Variants in DOCK11 observed in about 807,000 individuals in gnomAD.
DOCK11 encodes the protein dedicator of cytokinesis protein 11.
A neutral mutation model predicts 169.1 loss-of-function variants in DOCK11; 70 were observed. The observed-to-expected ratio is 0.41, with a 90% CI of 0.34 to 0.51. The LOEUF is 0.51. Among genes scored for constraint, DOCK11 ranks in the 20% least tolerant of loss-of-function variants. DOCK11 has a pLI of 0.10. For synonymous variants in DOCK11, 529 were observed against 541.3 expected, an observed-to-expected ratio of 0.98 and a Z score of 0.32; for missense variants, 1,166 against 1,538.8, an observed-to-expected ratio of 0.76 and a Z score of 4.05.
intron 12 of DOCK11, 28 bp downstream of exon 12, chrX:118,574,046 C>T: frequency 1.7e-6 from 2 of 1,152,515 alleles, no homozygotes; most frequent in African/African-American, 1.8e-5. Context: ...GTCTTAGCAG[C>T]GTATTCAGAA....
Position 118,584,707 on chromosome X carries a change from T to TAAAA in DOCK11, c.1596-24_1596-21dup, listed in dbSNP as rs35145775. On this transcript the variant is annotated intron_variant, in intron 14 of 52. Transcript: ENST00000276202. Reference sequence around the variant, plus strand: ...TTTATCAACATGGAATTTTTTTTTTTAAAAAAATGCTTCTGTTGCTGTTTT... The same window carrying TAAAA: ...TTTATCAACATGGAATTTTTTTTTTTAAAAAAAAAAATGCTTCTGTTGCTGTTTT... 1.6e-3 allele frequency: 1,749 copies of TAAAA among 1,087,314 alleles called. 6 individuals carry two copies. In the East Asian group the frequency reaches 0.027, roughly 17 times the overall value. 89.6% of individuals were successfully genotyped at this position (1,087,314 alleles called of 1,213,427 possible).
At chrX:118,648,423 A>G (rs2015850566) in intron 40 of DOCK11, among the ~76,000 whole-genome samples, 1 of 96,336 alleles carries the variant, frequency 1.0e-5, no homozygotes, top group Non-Finnish European at 2.0e-5. Flanking sequence ...TTTGCTTTAT[A>G]TTTCAACAGT....
intron 32 of DOCK11, among the ~76,000 whole-genome samples, chrX:118,624,943 A>G (rs1317914918): frequency 9.4e-6 from 1 of 106,783 alleles, no homozygotes; most frequent in Non-Finnish European, 1.9e-5. Context: ...CATTTTTAGC[A>G]GAGACAGGGT....
intron 7 of DOCK11, among the ~76,000 whole-genome samples, chrX:118,565,637 C>A (rs5910380): frequency 0.34 from 37,540 of 110,523 alleles, 4,764 homozygotes; most frequent in East Asian, 0.54. Context: ...CTTAAATATT[C>A]AAGGAAAAGT....
Position 118,608,289 on chromosome X carries a change from T to C in DOCK11, c.2810T>C (p.Leu937Pro), listed in dbSNP as rs1241927778. Residue 937 changes from leucine (L) to proline (P), a missense_variant, in exon 26 of 53, where the codon CTG becomes CCG. Physicochemically the swap from Leu to Pro is moderately conservative, Grantham distance 98 (BLOSUM62 -3). Coordinates refer to ENST00000276202, the MANE Select transcript of DOCK11 (RefSeq NM_144658.4). Reference protein sequence around the residue: ...APQAQLIHETLATTMIAILKQ... With the variant: ...APQAQLIHETPATTMIAILKQ... ...CAGGCCCAGCTGATACATGAAACCC[T>C]GGCTACTACGATGATAGCAATATTG... 1 of 1,211,557 alleles carries C rather than the reference T, an allele frequency of 8.3e-7. No individual in the cohort carries two copies. Among genetic ancestry groups the C allele is most frequent in the South Asian group, 1.8e-5 (1 of 56,969 alleles).
At chrX:118,670,876 TC>T (rs2147578968) in intron 45 of DOCK11, 146 bp from the exon 46 acceptor site, 1 of 379,978 alleles carries the variant, frequency 2.6e-6, no homozygotes, top group East Asian at 4.6e-5. Flanking sequence ...TTAGAAAATA[TC>T]GTCACACAAG....
chrX:118,546,058 T>C lies in DOCK11; in HGVS notation c.500T>C (p.Ile167Thr). 3 of 1,208,628 alleles carry C rather than the reference T, an allele frequency of 2.5e-6. No homozygotes were observed. Among genetic ancestry groups the C allele is most frequent in the Non-Finnish European group, 3.4e-6 (3 of 893,635 alleles). ...SSLCSQKGGVIKQGWLHKANV... is the reference protein window; with the variant it reads ...SSLCSQKGGVTKQGWLHKANV... ...TTATGTTCTCAGAAGGGTGGTGTGATAAAACAAGGCTGGTTGCATAAAGCA... is the reference window on the plus strand; with the variant it reads ...TTATGTTCTCAGAAGGGTGGTGTGACAAAACAAGGCTGGTTGCATAAAGCA... Residue 167 changes from isoleucine to threonine, a missense_variant, in exon 6 of 53, where the codon ATA (isoleucine) becomes ACA (threonine). By Grantham distance (89) the Ile-to-Thr change is moderately conservative (BLOSUM62 -1). Coordinates refer to ENST00000276202, the MANE Select transcript of DOCK11 (RefSeq NM_144658.4).
In DOCK11 at chrX:118,614,719, T is replaced by C; in HGVS notation, c.3124T>C (p.Phe1042Leu). The C allele has an allele frequency of 8.4e-7, 1 of 1,196,486 alleles. No individual in the cohort carries two copies. The highest frequency in any genetic ancestry group is 1.1e-6 in the Non-Finnish European group (1 of 883,760). The change falls in exon 29 of 53, where the codon TTT becomes CTT. Residue 1042 changes from phenylalanine to leucine, a missense_variant. Phe to Leu is a conservative substitution (Grantham distance 22, BLOSUM62 0). Transcript: ENST00000276202. Reference sequence around the variant, plus strand: ...CTGTTTGACACTAATGGATAGAGGATTTATTTTCAATTTAATAAATGACTA... The same window carrying C: ...CTGTTTGACACTAATGGATAGAGGACTTATTTTCAATTTAATAAATGACTA... ...KRCLTLMDRG[F>L]IFNLINDYIS...
chrX:118,683,062 T>G lies in DOCK11; in HGVS notation c.5964-17T>G, dbSNP rs1460810830. On this transcript the variant is annotated splice_polypyrimidine_tract_variant and intron_variant, in intron 51 of 52. Coordinates refer to ENST00000276202, the MANE Select transcript of DOCK11 (RefSeq NM_144658.4). ...AGAATAAATAACAAGACCTTTATCT[T>G]TGATATTCATCCACAGGAAATTTAT... 8.4e-7 allele frequency: 1 copy of G among 1,193,460 alleles called. No homozygotes were observed. The highest frequency in any genetic ancestry group is 3.0e-5 in the East Asian group (1 of 33,370).
At chrX:118,525,527 G>A (rs374853395) in intron 1 of DOCK11, among the ~76,000 whole-genome samples, 11 of 111,343 alleles carry the variant, frequency 9.9e-5, no homozygotes, top group Admixed American at 9.6e-4. Flanking sequence ...GGGCGGGGGC[G>A]GTGTGGAGGA....
In DOCK11 at chrX:118,572,402, A is replaced by G. The variant is rs1603077124; in HGVS notation, c.1115A>G (p.His372Arg). 1 of 1,207,462 alleles carries G rather than the reference A, an allele frequency of 8.3e-7. No individual in the cohort carries two copies. Among genetic ancestry groups the G allele is most frequent in the South Asian group, 1.8e-5 (1 of 56,095 alleles). Residue 372 changes from histidine (H) to arginine (R), a missense_variant, in exon 11 of 53, where the codon CAT (histidine) becomes CGT (arginine). By Grantham distance (29) the His-to-Arg change is conservative. Coordinates refer to ENST00000276202, the MANE Select transcript of DOCK11 (RefSeq NM_144658.4). ...AATAAACGTTTCCTGGTGAATTGCC[A>G]TGATTTAACTTTCAATATCTTGGGC... ...KCNKRFLVNCHDLTFNILGQI... is the reference protein window; with the variant it reads ...KCNKRFLVNCRDLTFNILGQI...
chrX:118,587,990 C>A, intron 16 of DOCK11, 147 bp from the exon 17 acceptor site: 1 of 511,150 alleles, frequency 2.0e-6, no homozygotes, highest in Non-Finnish European at 3.0e-6. Context: ...TTAAAGTTGT[C>A]ATGTGATTTT....
intron 16 of DOCK11, among the ~76,000 whole-genome samples, chrX:118,587,897 AGAAC>A (rs2013864065): frequency 8.9e-6 from 1 of 112,151 alleles, no homozygotes; most frequent in Non-Finnish European, 1.9e-5. Flanking sequence ...CTCGACATTG[AGAAC>A]GAAATAGCAC....
intron 24 of DOCK11, among the ~76,000 whole-genome samples, chrX:118,606,081 ATT>A (rs952643747): frequency 2.8e-5 from 2 of 71,065 alleles, no homozygotes; most frequent in Admixed American, 1.9e-4. Context: ...GAGGAACAGA[ATT>A]TTTTTTTTTT....
chrX:118,647,533 A>G (rs1285618389), intron 40 of DOCK11, among the ~76,000 whole-genome samples: 2 of 74,110 alleles, frequency 2.7e-5, no homozygotes, highest in Non-Finnish European at 4.9e-5. Context: ...ATAATATAAT[A>G]TTATATATTA....
At chrX:118,670,597 GA>G (rs1459300707) in intron 45 of DOCK11, among the ~76,000 whole-genome samples, 1 of 111,617 alleles carries the variant, frequency 9.0e-6, no homozygotes, top group African/African-American at 3.3e-5. Context: ...ACAATAGCTT[GA>G]AAAAGTTGTC....
chrX:118,647,755 A>ATATAATATAT (rs2015755230), intron 40 of DOCK11, among the ~76,000 whole-genome samples: 3 of 45,733 alleles, frequency 6.6e-5, no homozygotes, highest in South Asian at 1.2e-3. Context: ...ATATAATAAT[A>ATATAATATAT]TATAATATAT....
chrX:118,508,064 A>G (rs1043083478), intron 1 of DOCK11, among the ~76,000 whole-genome samples: 2 of 109,921 alleles, frequency 1.8e-5, no homozygotes, highest in African/African-American at 3.3e-5. Flanking sequence ...TGAGGACAAA[A>G]AAAAAAAAAA....
At chrX:118,597,293 C>T in intron 20 of DOCK11, 138 bp from the exon 21 acceptor site, 2 of 761,313 alleles carry the variant, frequency 2.6e-6, no homozygotes, top group Non-Finnish European at 3.8e-6. Context: ...CCCCAGTACT[C>T]AGTTGCCCAG....
Sources: gnomAD v4.1 joint callset for allele counts (sites outside exome capture counted in the v4.1 genomes callset) on GRCh38, gnomAD v4.1.1 for gene constraint, MANE v1.5 for transcripts, NCBI Gene and HGNC (gene_info 2026-07-23, HGNC 2026-07-21) for gene names.